Variants in EYA4 observed in about 807,000 individuals in gnomAD.
EYA4 encodes protein phosphatase EYA4.
A neutral mutation model predicts 87.9 loss-of-function variants in EYA4; 31 were observed. That is an observed-to-expected ratio of 0.35 (90% CI 0.27 to 0.48). The LOEUF is 0.48. EYA4 is among the 20% of genes least tolerant of loss of function. The pLI is 0.99. For synonymous variants in EYA4, 263 were observed against 270.6 expected (o/e 0.97, Z 0.28); for missense variants, 678 against 761.4 (o/e 0.89, Z 1.29).
At chr6:133,417,201 G>A (rs1233685832) in intron 3 of EYA4, among the ~76,000 whole-genome samples, 1 of 152,136 alleles carries the variant, frequency 6.6e-6, no homozygotes, top group South Asian at 2.1e-4. Context: ...AGGCCAGAGA[G>A]GCAAAATGAT....
chr6:133,399,784 T>C (rs750765624), intron 3 of EYA4, among the ~76,000 whole-genome samples: 5 of 152,242 alleles, frequency 3.3e-5, no homozygotes, highest in Admixed American at 1.3e-4. Context: ...CGTGCCTGTA[T>C]GATTTCCAGA....
At chr6:133,246,814 C>T (rs777667221) in intron 1 of EYA4, 1 of 152,066 alleles carries the variant, frequency 6.6e-6, no homozygotes, top group Non-Finnish European at 1.5e-5. Flanking sequence ...TAATTTTAAT[C>T]TTCTTAACTA....
At chr6:133,411,684 T>G (rs1789253439) in intron 3 of EYA4, among the ~76,000 whole-genome samples, 1 of 152,250 alleles carries the variant, frequency 6.6e-6, no homozygotes, top group Non-Finnish European at 1.5e-5. Flanking sequence ...AATTGAAAGT[T>G]ATTTGCATAA....
intron 3 of EYA4, among the ~76,000 whole-genome samples, chr6:133,401,020 G>T (rs1277398728): frequency 6.6e-6 from 1 of 152,112 alleles, no homozygotes; most frequent in Non-Finnish European, 1.5e-5. Flanking sequence ...AATCGGTAAA[G>T]AAAATGTGGT....
chr6:133,434,588 G>A (rs1791483657), intron 3 of EYA4, among the ~76,000 whole-genome samples: 1 of 152,140 alleles, frequency 6.6e-6, no homozygotes, highest in Admixed American at 6.5e-5. Context: ...TAAAATTCAG[G>A]TTTTAGTTGA....
intron 2 of EYA4, among the ~76,000 whole-genome samples, chr6:133,333,200 G>A (rs1224305281): frequency 1.3e-5 from 2 of 152,184 alleles, no homozygotes; most frequent in East Asian, 3.9e-4. Context: ...GAGAAGGCAA[G>A]GATCATGCTG....
At chr6:133,473,269 C>T (rs150194606) in intron 11 of EYA4, among the ~76,000 whole-genome samples, 1 of 151,814 alleles carries the variant, frequency 6.6e-6, no homozygotes, top group South Asian at 2.1e-4. Flanking sequence ...TGCCATTAAA[C>T]GATTATTTAT....
rs1176260447 is a variant in EYA4 at position 133,274,752 on chromosome 6, G to A, written c.-29G>A. Reference sequence around the variant, plus strand: ...TACTTGAAGGAAGCTGCTTCTACTTGGGAGTGGCAGGAGAAGTGAGAAAAC... The same window carrying A: ...TACTTGAAGGAAGCTGCTTCTACTTAGGAGTGGCAGGAGAAGTGAGAAAAC... On this transcript the variant is annotated 5_prime_UTR_variant, in exon 2 of 20. Coordinates refer to ENST00000355286, the MANE Select transcript of EYA4 (RefSeq NM_004100.5). The A allele has an allele frequency of 6.2e-7, 1 of 1,605,340 alleles. No homozygotes were observed. Among genetic ancestry groups the A allele is most frequent in the Non-Finnish European group, 8.5e-7 (1 of 1,172,252 alleles).
chr6:133,517,691 G>A (rs1799720949), intron 17 of EYA4, among the ~76,000 whole-genome samples: 1 of 152,166 alleles, frequency 6.6e-6, no homozygotes, highest in African/African-American at 2.4e-5. Context: ...GACTGGGGAA[G>A]CCATGGCAGC....
At chr6:133,394,587 G>C (rs773349301) in intron 3 of EYA4, among the ~76,000 whole-genome samples, 52 of 151,870 alleles carry the variant, frequency 3.4e-4, no homozygotes, top group Middle Eastern at 3.4e-3. Context: ...AAAAGCCTAT[G>C]ACAAATCTAG....
intron 3 of EYA4, among the ~76,000 whole-genome samples, chr6:133,413,860 A>G (rs1254734636): frequency 2.0e-5 from 3 of 151,972 alleles, no homozygotes; most frequent in Non-Finnish European, 4.4e-5. Context: ...ATCTGCAAAG[A>G]TTCTCCTCTT....
chr6:133,404,301 A>AAGAT, intron 3 of EYA4, among the ~76,000 whole-genome samples: 1 of 152,202 alleles, frequency 6.6e-6, no homozygotes, highest in Non-Finnish European at 1.5e-5. Context: ...GAGAGCAGAT[A>AAGAT]AGATCCCCAG....
At chr6:133,269,482 A>G (rs150304110) in intron 1 of EYA4, among the ~76,000 whole-genome samples, 1 of 149,994 alleles carries the variant, frequency 6.7e-6, no homozygotes, top group Non-Finnish European at 1.5e-5. Flanking sequence ...CTGACTTTTA[A>G]GAATGAAAAA....
At chr6:133,318,795 G>C (rs763167452) in intron 2 of EYA4, among the ~76,000 whole-genome samples, 19 of 152,072 alleles carry the variant, frequency 1.2e-4, no homozygotes, top group Admixed American at 5.2e-4. Context: ...ATGTAAGTGT[G>C]TTCCTAATGT....
At chr6:133,415,191 T>C (rs1194274082) in intron 3 of EYA4, among the ~76,000 whole-genome samples, 1 of 152,218 alleles carries the variant, frequency 6.6e-6, no homozygotes, top group African/African-American at 2.4e-5. Flanking sequence ...CAGAGCCTTA[T>C]TGTATTGACA....
intron 2 of EYA4, among the ~76,000 whole-genome samples, chr6:133,349,738 T>C (rs1783492949): frequency 6.6e-6 from 1 of 152,092 alleles, no homozygotes; most frequent in Non-Finnish European, 1.5e-5. Flanking sequence ...CTCATTGCTA[T>C]CATAGGCAAA....
intron 2 of EYA4, among the ~76,000 whole-genome samples, chr6:133,359,944 C>T (rs1784335116): frequency 1.3e-5 from 2 of 152,184 alleles, no homozygotes; most frequent in Non-Finnish European, 2.9e-5. Context: ...AATCAGACCT[C>T]TGTCTCCAGA....
chr6:133,299,925 CTCTA>C (rs10588311), intron 2 of EYA4, among the ~76,000 whole-genome samples: 9,881 of 142,594 alleles, frequency 0.069, 647 homozygotes, highest in African/African-American at 0.17. Flanking sequence ...ATATAAAGAT[CTCTA>C]TCTATCTATC....
chr6:133,527,067 C>G lies in EYA4; in HGVS notation c.1840-1658C>G, dbSNP rs150459335. ...AAACTTCAGGAGGGAAACGCATAAC[C>G]CTGAATGGAAAACAATCTCAGATAG... On this transcript the variant is annotated intron_variant, in intron 19 of 19. Coordinates refer to ENST00000355286, the MANE Select transcript of EYA4 (RefSeq NM_004100.5). Among the ~76,000 whole-genome samples, 3 of 152,212 alleles carry G rather than the reference C, an allele frequency of 2.0e-5. No homozygotes were observed. In the East Asian group the frequency reaches 5.8e-4, roughly 29 times the overall value.
Sources: gnomAD v4.1 joint callset for allele counts (sites outside exome capture counted in the v4.1 genomes callset) on GRCh38, gnomAD v4.1.1 for gene constraint, MANE v1.5 for transcripts, NCBI Gene and HGNC (gene_info 2026-07-23, HGNC 2026-07-21) for gene names.